Variants in CDH13 observed in about 807,000 individuals in gnomAD.
CDH13 encodes cadherin-13.
In CDH13, 24 loss-of-function variants were observed where a neutral mutation model predicts 63.8. That is an observed-to-expected ratio of 0.38 (90% CI 0.27 to 0.53). The LOEUF is 0.53. Among genes scored for constraint, CDH13 ranks in the 20% least tolerant of loss-of-function variants. CDH13 has a pLI of 0.85. For synonymous variants in CDH13, 503 were observed against 355.3 expected (o/e 1.42, Z -4.67); for missense variants, 1,049 against 903.1 (o/e 1.16, Z -2.07).
chr16:83,070,466 A>G (rs1334604547), intron 3 of CDH13, among the ~76,000 whole-genome samples: 1 of 152,200 alleles, frequency 6.6e-6, no homozygotes, highest in Non-Finnish European at 1.5e-5. Flanking sequence ...TTGCACGGAA[A>G]TGAGTGTTTT....
At chr16:83,396,754 A>AATG (rs35787138) in intron 6 of CDH13, 129,239 of 150,400 alleles carry the variant, frequency 0.86, 55,521 homozygotes, top group East Asian at 1. Context: ...ATTCATCACA[A>AATG]ATGATGATGA....
intron 5 of CDH13, among the ~76,000 whole-genome samples, chr16:83,238,837 A>G (rs1380481337): frequency 2.0e-5 from 3 of 152,102 alleles, no homozygotes; most frequent in Non-Finnish European, 4.4e-5. Context: ...AGTCATGGAG[A>G]ACTTTGTCTG....
chr16:83,088,048 G>A (rs1311544951), intron 3 of CDH13, among the ~76,000 whole-genome samples: 1 of 152,176 alleles, frequency 6.6e-6, no homozygotes, highest in African/African-American at 2.4e-5. Flanking sequence ...AAAAGTAGTT[G>A]CGGTTTTGCC....
intron 1 of CDH13, among the ~76,000 whole-genome samples, chr16:82,806,266 C>T (rs556686263): frequency 6.5e-4 from 99 of 152,300 alleles, no homozygotes; most frequent in Non-Finnish European, 1.1e-3. Flanking sequence ...TCCCTTTTTA[C>T]ATGTCTGCTA....
chr16:83,113,212 C>T (rs559696475), intron 3 of CDH13, among the ~76,000 whole-genome samples: 1 of 152,130 alleles, frequency 6.6e-6, no homozygotes, highest in Non-Finnish European at 1.5e-5. Context: ...ATTGAGCACC[C>T]CAGGATAAAA....
chr16:82,910,505 G>C (rs1444965578), intron 2 of CDH13, among the ~76,000 whole-genome samples: 1 of 151,912 alleles, frequency 6.6e-6, no homozygotes, highest in African/African-American at 2.4e-5. Flanking sequence ...ATCTTCCCCA[G>C]ACAAACCTTG....
intron 2 of CDH13, among the ~76,000 whole-genome samples, chr16:82,878,007 GC>G (rs1291406026): frequency 5.3e-5 from 8 of 150,562 alleles, no homozygotes; most frequent in South Asian, 2.1e-4. Flanking sequence ...TTCTCATTCT[GC>G]TAAACTAATC....
chr16:83,266,783 TTTC>T (rs1343201270), intron 5 of CDH13, among the ~76,000 whole-genome samples: 1 of 152,150 alleles, frequency 6.6e-6, no homozygotes, highest in Non-Finnish European at 1.5e-5. Flanking sequence ...GAAGTACACT[TTTC>T]TTCTGGAATC....
chr16:82,937,765 C>T (rs937332513), intron 2 of CDH13, among the ~76,000 whole-genome samples: 2 of 152,150 alleles, frequency 1.3e-5, no homozygotes, highest in African/African-American at 2.4e-5. Context: ...CCACATATAA[C>T]CTATTTTATA....
intron 5 of CDH13, among the ~76,000 whole-genome samples, chr16:83,243,575 A>T (rs1454090485): frequency 6.6e-6 from 1 of 152,160 alleles, no homozygotes; most frequent in Admixed American, 6.5e-5. Flanking sequence ...CTAAGACTCC[A>T]TCTCTGTACA....
At chr16:83,267,000 G>C (rs1597623378) in intron 5 of CDH13, among the ~76,000 whole-genome samples, 1 of 152,082 alleles carries the variant, frequency 6.6e-6, no homozygotes, top group South Asian at 2.1e-4. Flanking sequence ...TGTTGCCCCA[G>C]ATCTCATCAT....
At chr16:83,387,258 C>G (rs1004123410) in intron 6 of CDH13, among the ~76,000 whole-genome samples, 4 of 152,202 alleles carry the variant, frequency 2.6e-5, no homozygotes, top group Admixed American at 6.5e-5. Flanking sequence ...CATTCCTCAA[C>G]TTAAGGGCTG....
intron 1 of CDH13, among the ~76,000 whole-genome samples, chr16:82,842,141 CATATATATATATAT>C (rs1170008694): frequency 1.6e-5 from 1 of 62,336 alleles, no homozygotes; most frequent in African/African-American, 5.1e-5. Context: ...TATATATACA[CATATATATATATAT>C]ATATATATAC....
In CDH13 at chr16:82,984,240, A is replaced by C. The variant is rs577862365; in HGVS notation, c.158-47770A>C. Among the ~76,000 whole-genome samples, 10 of 152,342 alleles carry C rather than the reference A, an allele frequency of 6.6e-5. No individual in the cohort carries two copies. In the East Asian group the frequency reaches 1.9e-3, roughly 29 times the overall value. Reference sequence around the variant, plus strand: ...AATTGAATTAGCCAGCCTAATTTGAAAACCACACTGCTTTGTTGAACAGAA... The same window carrying C: ...AATTGAATTAGCCAGCCTAATTTGACAACCACACTGCTTTGTTGAACAGAA... On this transcript the variant is annotated intron_variant, in intron 2 of 13. Coordinates refer to ENST00000567109, the MANE Select transcript of CDH13 (RefSeq NM_001257.5).
chr16:83,147,342 C>T (rs2036793542), intron 4 of CDH13, among the ~76,000 whole-genome samples: 1 of 152,212 alleles, frequency 6.6e-6, no homozygotes, highest in South Asian at 2.1e-4. Flanking sequence ...CCTCTTCTAA[C>T]TGTGCCCCTT....
intron 6 of CDH13, among the ~76,000 whole-genome samples, chr16:83,445,685 A>G (rs577779950): frequency 3.3e-5 from 5 of 152,332 alleles, no homozygotes; most frequent in Non-Finnish European, 5.9e-5. Context: ...TTCTGAATAG[A>G]TGTTTTCATC....
intron 7 of CDH13, among the ~76,000 whole-genome samples, chr16:83,523,013 A>G (rs1322872140): frequency 6.6e-6 from 1 of 151,988 alleles, no homozygotes; most frequent in Non-Finnish European, 1.5e-5. Context: ...GCTGAATTAT[A>G]CTCACCCTTC....
chr16:83,403,298 C>G (rs1167085063), intron 6 of CDH13, among the ~76,000 whole-genome samples: 1 of 152,112 alleles, frequency 6.6e-6, no homozygotes, highest in Non-Finnish European at 1.5e-5. Flanking sequence ...AAGTCACGAC[C>G]TTGAAATCCT....
chr16:83,660,605 G>C (rs914578970), intron 8 of CDH13, among the ~76,000 whole-genome samples: 1 of 152,146 alleles, frequency 6.6e-6, no homozygotes, highest in Non-Finnish European at 1.5e-5. Context: ...CTGAGTTAGA[G>C]GCCAACTAGA....
Sources: allele counts gnomAD v4.1 joint callset (sites outside exome capture counted in the v4.1 genomes callset), GRCh38; gene constraint gnomAD v4.1.1; transcripts MANE v1.5; gene names NCBI Gene and HGNC (gene_info 2026-07-23, HGNC 2026-07-21).